EDEM2: variants seen among roughly 807,000 people sequenced by gnomAD.
The protein encoded by EDEM2 is ER degradation enhancing alpha-mannosidase like protein 2.
Under a neutral mutation model 64.8 loss-of-function variants are expected in EDEM2, and 39 were observed. The ratio of observed to expected loss-of-function variants is 0.60; its 90% CI spans 0.47 to 0.79. The LOEUF (loss-of-function observed/expected upper bound fraction) is 0.79. Ranked by LOEUF, EDEM2 falls within the 30% of genes least tolerant of loss-of-function variation. The pLI is 0.00. For synonymous variants in EDEM2, 296 were observed against 291.5 expected, an observed-to-expected ratio of 1.02 and a Z score of -0.16; for missense variants, 609 against 731.3, an observed-to-expected ratio of 0.83 and a Z score of 1.93.
At position 35,131,700 on chromosome 20, in the gene EDEM2, C is replaced by G. The variant is rs983114403; in HGVS notation, c.786G>C (p.Glu262Asp). The change falls in exon 7 of 11, where the codon GAG becomes GAC. Residue 262 changes from glutamate (E) to aspartate (D), a missense_variant. By Grantham distance (45) the Glu-to-Asp change is conservative (BLOSUM62 2). Coordinates refer to ENST00000374492, the MANE Select transcript of EDEM2 (RefSeq NM_018217.3). ...GCAGGATGGCTCCTTTCACCAAGTA[C>G]TCAAAGTAGGAGTCCACGCCAGCCC... Reference protein sequence around the residue: ...GIGAGVDSYFEYLVKGAILLQ... With the variant: ...GIGAGVDSYFDYLVKGAILLQ... 1.1e-5 allele frequency: 17 copies of G among 1,614,100 alleles called. No individual in the cohort carries two copies. Among genetic ancestry groups the G allele is most frequent in the Non-Finnish European group, 1.4e-5 (16 of 1,180,044 alleles).
chr20:35,133,766 C>T (rs996342400), intron 6 of EDEM2, among the ~76,000 whole-genome samples: 3 of 152,196 alleles, frequency 2.0e-5, no homozygotes, highest in African/African-American at 4.8e-5. Flanking sequence ...CGCACCCAGC[C>T]TTAGGGGGGC....
chr20:35,135,509 A>G (rs1000661708), intron 5 of EDEM2, among the ~76,000 whole-genome samples: 27 of 152,184 alleles, frequency 1.8e-4, no homozygotes, highest in African/African-American at 6.5e-4. Context: ...AAATTAGGCA[A>G]GCGTGGTGGT....
intron 7 of EDEM2, among the ~76,000 whole-genome samples, chr20:35,129,603 G>GA (rs1007375546): frequency 9.3e-5 from 14 of 150,420 alleles, no homozygotes; most frequent in South Asian, 4.2e-4. Context: ...ACTGGAGAAA[G>GA]AAAAAAAAAT....
intron 7 of EDEM2, among the ~76,000 whole-genome samples, chr20:35,131,208 T>C (rs946149780): frequency 6.6e-6 from 1 of 152,202 alleles, no homozygotes; most frequent in African/African-American, 2.4e-5. Context: ...GTAGTGGGCA[T>C]GAAGTGGGCA....
rs1256575987 is a variant in EDEM2, at chr20:35,124,047, G to A, written c.970-13C>T. On this transcript the variant is annotated splice_polypyrimidine_tract_variant and intron_variant, in intron 8 of 10. Coordinates refer to ENST00000374492, the MANE Select transcript of EDEM2 (RefSeq NM_018217.3). ...CTCCAATGAGGCTCTGTGGGAGAAA[G>A]TGGCTGTCAGGCAGGTAGACACCAG... is the stretch of plus-strand genomic sequence containing the variant. 3.1e-6 allele frequency: 5 copies of A among 1,608,988 alleles called. No homozygotes were observed. Among genetic ancestry groups the A allele is most frequent in the Non-Finnish European group, 4.3e-6 (5 of 1,175,818 alleles).
chr20:35,129,892 C>T (rs560310903), intron 7 of EDEM2, among the ~76,000 whole-genome samples: 2 of 152,224 alleles, frequency 1.3e-5, no homozygotes, highest in African/African-American at 2.4e-5. Flanking sequence ...ACCATATAGC[C>T]TAGGTGTGTA....
At chr20:35,126,795 T>C (rs1555926707) in intron 7 of EDEM2, among the ~76,000 whole-genome samples, 1 of 152,000 alleles carries the variant, frequency 6.6e-6, no homozygotes. Context: ...GCCTGTAATC[T>C]CAGCTACTTG....
chr20:35,129,734 T>C (rs1213980878), intron 7 of EDEM2, among the ~76,000 whole-genome samples: 2 of 152,206 alleles, frequency 1.3e-5, no homozygotes, highest in Non-Finnish European at 2.9e-5. Flanking sequence ...TCCTGTCCTG[T>C]GAACTTCATT....
rs1254264431 is a variant in EDEM2 at position 35,123,876 on chromosome 20, G to A, written c.1114+14C>T. 6.2e-7 allele frequency: 1 copy of A among 1,612,580 alleles called. No individual in the cohort carries two copies. Among genetic ancestry groups the A allele is most frequent in the Admixed American group, 1.7e-5 (1 of 60,006 alleles). ...GAGCCTGTGGGCAGATGACAAGCCA[G>A]AAATGCTGCTCACCTGGCCGAAGTG... On this transcript the variant is annotated intron_variant, in intron 9 of 10. Transcript: ENST00000374492.
intron 2 of EDEM2, 145 bp downstream of exon 2, chr20:35,146,680 G>C: frequency 1.2e-6 from 1 of 852,042 alleles, no homozygotes; most frequent in Non-Finnish European, 1.8e-6. Flanking sequence ...GTGATAGTAA[G>C]AATTGCGGGG....
chr20:35,140,406 C>A (rs894674341), intron 4 of EDEM2, among the ~76,000 whole-genome samples: 2 of 152,050 alleles, frequency 1.3e-5, no homozygotes, highest in African/African-American at 4.8e-5. Context: ...ATCGTTTAAA[C>A]CCAGGAGGTG....
At chr20:35,138,102 T>G in intron 4 of EDEM2, 97 bp from the exon 5 acceptor site, 1 of 1,485,532 alleles carries the variant, frequency 6.7e-7, no homozygotes, top group Non-Finnish European at 9.1e-7. Flanking sequence ...AACACTCTAT[T>G]GTGGGGCGCA....
intron 6 of EDEM2, among the ~76,000 whole-genome samples, chr20:35,133,239 TC>T (rs2085530251): frequency 6.6e-6 from 1 of 151,972 alleles, no homozygotes; most frequent in African/African-American, 2.4e-5. Context: ...TAGCATTAAA[TC>T]CTGGTACCCT....
At chr20:35,115,987 G>A in intron 10 of EDEM2, 54 bp from the exon 11 acceptor site, 1 of 1,570,442 alleles carries the variant, frequency 6.4e-7, no homozygotes, top group African/African-American at 1.4e-5. Flanking sequence ...TTAGTAGTAA[G>A]GGTCAGGCAA....
chr20:35,138,289 A>G (rs758994357), intron 4 of EDEM2, among the ~76,000 whole-genome samples: 16 of 152,232 alleles, frequency 1.1e-4, no homozygotes, highest in Non-Finnish European at 2.4e-4. Flanking sequence ...GGTTCATCAC[A>G]GGAACAGTGG....
chr20:35,138,411 C>CT (rs2085606807), intron 4 of EDEM2, among the ~76,000 whole-genome samples: 1 of 152,026 alleles, frequency 6.6e-6, no homozygotes, highest in South Asian at 2.1e-4. Flanking sequence ...GGTCACCCAT[C>CT]TAGTAGGTGG....
Position 35,118,495 on chromosome 20 carries a change from T to C in EDEM2, c.1236+103A>G. On this transcript the variant is annotated intron_variant, in intron 10 of 10. Coordinates refer to ENST00000374492, the MANE Select transcript of EDEM2 (RefSeq NM_018217.3). Reference sequence around the variant, plus strand: ...CATTATGTATATCTCCAAGGTCCCTTCTAGTGCTGATATGTCAGAACTCCC... The same window carrying C: ...CATTATGTATATCTCCAAGGTCCCTCCTAGTGCTGATATGTCAGAACTCCC... 5.2e-6 allele frequency: 8 copies of C among 1,548,814 alleles called. No homozygotes were observed. In the South Asian group the frequency reaches 9.2e-5, roughly 18 times the overall value.
intron 9 of EDEM2, among the ~76,000 whole-genome samples, chr20:35,121,042 C>T (rs2085362284): frequency 6.6e-6 from 1 of 152,216 alleles, no homozygotes; most frequent in Non-Finnish European, 1.5e-5. Context: ...TGGTCCCCAA[C>T]CGTTTTGGCA....
At chr20:35,135,748 A>C (rs1419995195) in intron 5 of EDEM2, among the ~76,000 whole-genome samples, 4 of 152,254 alleles carry the variant, frequency 2.6e-5, no homozygotes, top group African/African-American at 9.6e-5. Context: ...TTTAAAGGGA[A>C]GCAAAATAGG....
Sources: allele counts gnomAD v4.1 joint callset (sites outside exome capture counted in the v4.1 genomes callset), GRCh38; gene constraint gnomAD v4.1.1; transcripts MANE v1.5; gene names NCBI Gene and HGNC (gene_info 2026-07-23, HGNC 2026-07-21).